The following TMEM255B variants were observed in gnomAD, a reference collection of about 807,000 sequenced individuals.
TMEM255B encodes the protein transmembrane protein 255B, also known as family with sequence similarity 70, member B.
TMEM255B carries 35 observed loss-of-function variants against 34.5 expected under a neutral mutation model. That is an observed-to-expected ratio of 1.01 (90% confidence interval 0.77 to 1.34). The LOEUF is 1.34. Ranked by LOEUF, TMEM255B falls within the 40% of genes most tolerant of loss-of-function variation. The pLI is 0.00. For synonymous variants in TMEM255B, 206 were observed against 201.2 expected, an observed-to-expected ratio of 1.02 and a Z score of -0.20; for missense variants, 432 against 433.2, an observed-to-expected ratio of 1.00 and a Z score of 0.02.
At chr13:113,796,828 A>T (rs554445776) in intron 4 of TMEM255B, among the ~76,000 whole-genome samples, 64 of 152,356 alleles carry the variant, frequency 4.2e-4, no homozygotes, top group Admixed American at 1.2e-3. Flanking sequence ...AAGGCACTGA[A>T]GGTTGGTGTT....
At position 113,759,591 on chromosome 13, in the gene TMEM255B, C is replaced by G. The variant is rs189770374; in HGVS notation, c.46+276C>G. ...CTCTCGCTCTTTCTGTCTCTGCCTC[C>G]TCAGTCTTTGCCTTTCTCTGACTCT... On this transcript the variant is annotated intron_variant, in intron 1 of 8. Coordinates refer to ENST00000375353, the MANE Select transcript of TMEM255B (RefSeq NM_182614.4). 4.7e-3 allele frequency among the ~76,000 whole-genome samples: 713 copies of G among 152,314 alleles called. 1 individual carries two copies. Among genetic ancestry groups the G allele is most frequent in the African/African-American group, 0.016 (680 of 41,564 alleles).
chr13:113,802,568 A>G (rs1360139430), intron 7 of TMEM255B, among the ~76,000 whole-genome samples: 1 of 152,176 alleles, frequency 6.6e-6, no homozygotes, highest in Non-Finnish European at 1.5e-5. Flanking sequence ...AGGCAGACGC[A>G]CATCATGCAG....
intron 7 of TMEM255B, among the ~76,000 whole-genome samples, chr13:113,804,680 C>T (rs1209975259): frequency 5.5e-5 from 8 of 144,808 alleles, no homozygotes; most frequent in African/African-American, 1.5e-4. Flanking sequence ...TATAAACGCA[C>T]GCCGGGCCGG....
At chr13:113,787,753 G>A (rs921227655) in intron 3 of TMEM255B, among the ~76,000 whole-genome samples, 1 of 151,886 alleles carries the variant, frequency 6.6e-6, no homozygotes, top group Non-Finnish European at 1.5e-5. Context: ...AGCCGTGAAT[G>A]TGTCAAATGC....
Position 113,814,252 on chromosome 13 carries a change from C to G in TMEM255B, c.*2349C>G, listed in dbSNP as rs1400496363. The G allele has an allele frequency of 6.6e-6, 1 of 152,282 alleles. No individual in the cohort carries two copies. The highest frequency in any genetic ancestry group is 2.4e-5 in the African/African-American group (1 of 41,444). 9.4% of individuals were successfully genotyped at this position (152,282 alleles called of 1,614,324 possible). On this transcript the variant is annotated 3_prime_UTR_variant, in exon 9 of 9. Transcript: ENST00000375353. The stretch of plus-strand genomic sequence containing the variant: ...AGGTCTGGGCAGGGAGTCTATGCCC[C>G]CTGGAGCTCTGGCCAGCAAAGTCAC...
chr13:113,771,211 C>T (rs1037618258), intron 3 of TMEM255B, among the ~76,000 whole-genome samples: 115 of 152,154 alleles, frequency 7.6e-4, no homozygotes, highest in Middle Eastern at 3.2e-3. Context: ...GATTCCTACT[C>T]TGGGCCTGCC....
At chr13:113,805,216 C>A (rs567560277) in intron 8 of TMEM255B, among the ~76,000 whole-genome samples, 188 bp downstream of exon 8, 16 of 152,294 alleles carry the variant, frequency 1.1e-4, no homozygotes, top group African/African-American at 3.8e-4. Flanking sequence ...GGCCGGGGAC[C>A]GCGCCAGGTG....
chr13:113,810,524 A>G (rs9577880), intron 8 of TMEM255B, among the ~76,000 whole-genome samples: 13,470 of 152,198 alleles, frequency 0.089, 696 homozygotes, highest in Admixed American at 0.14. Context: ...GTACCTACAT[A>G]TGAAGAGAGA....
intron 3 of TMEM255B, among the ~76,000 whole-genome samples, chr13:113,771,091 A>C (rs556254472): frequency 1.3e-5 from 2 of 152,222 alleles, no homozygotes; most frequent in Admixed American, 1.3e-4. Context: ...GTGAACCATC[A>C]GCACAGCCAG....
At chr13:113,761,046 T>A (rs945658078) in intron 1 of TMEM255B, among the ~76,000 whole-genome samples, 1 of 152,108 alleles carries the variant, frequency 6.6e-6, no homozygotes, top group Non-Finnish European at 1.5e-5. Context: ...TTGCCCTTCT[T>A]TGTTCACTAC....
chr13:113,780,792 T>C (rs1042100401), intron 3 of TMEM255B, among the ~76,000 whole-genome samples: 26 of 152,212 alleles, frequency 1.7e-4, no homozygotes, highest in Non-Finnish European at 3.5e-4. Context: ...CAATTGCCTA[T>C]GGATGACAAA....
Position 113,813,991 on chromosome 13 carries a change from C to T in TMEM255B, c.*2088C>T, listed in dbSNP as rs902323354. 6.6e-6 allele frequency: 1 copy of T among 152,148 alleles called. No individual in the cohort carries two copies. The highest frequency in any genetic ancestry group is 2.4e-5 in the African/African-American group (1 of 41,450). 9.4% of individuals were successfully genotyped at this position (152,148 alleles called of 1,614,324 possible). On this transcript the variant is annotated 3_prime_UTR_variant, in exon 9 of 9. Transcript: ENST00000375353. ...AGAGACCAAGAGGTTTCTGGAGCGCCGGGAGATGCACTCACGAGCGCCTGT... is the reference window on the plus strand; with the variant it reads ...AGAGACCAAGAGGTTTCTGGAGCGCTGGGAGATGCACTCACGAGCGCCTGT...
chr13:113,768,008 C>G (rs961330594), intron 2 of TMEM255B: 7 of 335,854 alleles, frequency 2.1e-5, no homozygotes, highest in Non-Finnish European at 4.3e-5. Flanking sequence ...CACATGTGTA[C>G]GTGTCTATCA....
At position 113,803,586 on chromosome 13, in the gene TMEM255B, C is replaced by G. The variant is rs950299030; in HGVS notation, c.670-1299C>G. On this transcript the variant is annotated intron_variant, in intron 7 of 8. Transcript: ENST00000375353. ...CACTCGCCCCGGCCCCATCCTCAGG[C>G]CACCGCCAGCTCAGAGGCCTCCCCA... Among the ~76,000 whole-genome samples the G allele has an allele frequency of 1.5e-4, 18 of 119,862 alleles. 2 individuals carry two copies. Among genetic ancestry groups the G allele is most frequent in the Non-Finnish European group, 3.2e-4 (16 of 50,396 alleles). 78.6% of individuals were successfully genotyped at this position (119,862 alleles called of 152,430 possible).
At position 113,812,901 on chromosome 13, in the gene TMEM255B, A is replaced by AGTCACAGGTCCCGGGTGG. The variant is rs2051345528; in HGVS notation, c.*1006_*1007insTCCCGGGTGGGTCACAGG. The AGTCACAGGTCCCGGGTGG allele has an allele frequency of 8.9e-6, 1 of 112,594 alleles. No homozygotes were observed. The highest frequency in any genetic ancestry group is 4.1e-5 in the African/African-American group (1 of 24,328). 7.0% of individuals were successfully genotyped at this position (112,594 alleles called of 1,614,324 possible). On this transcript the variant is annotated 3_prime_UTR_variant, in exon 9 of 9. Transcript: ENST00000375353. Reference sequence around the variant, plus strand: ...CCGAGTGGGTCACAGGCCCCGGGTGAGTCACAGGCCCCGGGTGAGTCACGG... The same window carrying AGTCACAGGTCCCGGGTGG: ...CCGAGTGGGTCACAGGCCCCGGGTGAGTCACAGGTCCCGGGTGGGTCACAGGCCCCGGGTGAGTCACGG...
intron 7 of TMEM255B, 59 bp from the exon 8 acceptor site, chr13:113,804,826 G>T: frequency 6.7e-7 from 1 of 1,481,588 alleles, no homozygotes; most frequent in Middle Eastern, 1.8e-4. Context: ...AGGAAGGCTG[G>T]ACAGCCCTTC....
At position 113,816,736 on chromosome 13, in the gene TMEM255B, C is replaced by T. The variant is rs540488257; in HGVS notation, c.*4833C>T. 2.6e-5 allele frequency: 4 copies of T among 152,332 alleles called. No individual in the cohort carries two copies. The highest frequency in any genetic ancestry group is 6.5e-5 in the Admixed American group (1 of 15,312). The allele number at this position is 152,332 out of a possible 1,614,324, so 9.4% of individuals were successfully genotyped here. A position where few individuals can be genotyped will look rare whatever the true frequency, so the allele number is the denominator to read the frequency against. Reference sequence around the variant, plus strand: ...CAGCAGATCCTCAGACGGCGACACGCGCCACTTCCTTTTCTGTTTCCTAGA... The same window carrying T: ...CAGCAGATCCTCAGACGGCGACACGTGCCACTTCCTTTTCTGTTTCCTAGA... On this transcript the variant is annotated 3_prime_UTR_variant, in exon 9 of 9. Transcript: ENST00000375353.
intron 7 of TMEM255B, chr13:113,803,038 C>T (rs2051096090): frequency 6.7e-6 from 1 of 148,316 alleles, no homozygotes; most frequent in Non-Finnish European, 1.5e-5. Context: ...AGCGGCCGTC[C>T]CAGGAGGAAC....
chr13:113,801,777 A>G lies in TMEM255B; in HGVS notation c.634A>G (p.Ile212Val). ...LNVLGLFLGI[I>V]TAAVLGAFKD... ...CGTCCTGGGCCTGTTCCTGGGCATC[A>G]TCACCGCCGCCGTCCTGGGGGCCTT... The change falls in exon 7 of 9, where the codon ATC (isoleucine) becomes GTC (valine). Residue 212 changes from isoleucine to valine, a missense_variant. Physicochemically the swap from Ile to Val is conservative, Grantham distance 29. Transcript: ENST00000375353. The G allele has an allele frequency of 6.2e-7, 1 of 1,612,116 alleles. No homozygotes were observed. Among genetic ancestry groups the G allele is most frequent in the Non-Finnish European group, 8.5e-7 (1 of 1,179,230 alleles).
Sources: gnomAD v4.1 joint callset for allele counts (sites outside exome capture counted in the v4.1 genomes callset) on GRCh38, gnomAD v4.1.1 for gene constraint, MANE v1.5 for transcripts, NCBI Gene and HGNC (gene_info 2026-07-23, HGNC 2026-07-21) for gene names.